SLC24A4: variants seen among roughly 807,000 people sequenced by gnomAD.
SLC24A4 encodes the protein sodium/potassium/calcium exchanger 4.
SLC24A4 carries 53 observed loss-of-function variants against 79.0 expected under a neutral mutation model. The ratio of observed to expected loss-of-function variants is 0.67; its 90% CI spans 0.54 to 0.84. SLC24A4 has a LOEUF of 0.84. Ranked by LOEUF, SLC24A4 falls within the 40% of genes least tolerant of loss-of-function variation. SLC24A4 has a pLI of 0.00. For missense variants in SLC24A4, 731 were observed against 822.0 expected, an observed-to-expected ratio of 0.89 and a Z score of 1.35; for synonymous variants, 323 against 323.8, an observed-to-expected ratio of 1.00 and a Z score of 0.03.
chr14:92,457,222 T>G (rs1893526772), intron 12 of SLC24A4: 1 of 156,096 alleles, frequency 6.4e-6, no homozygotes, highest in South Asian at 2.0e-4. Context: ...CCTCAGCTTC[T>G]GTTCTTCTGC....
intron 2 of SLC24A4, among the ~76,000 whole-genome samples, chr14:92,343,642 C>CTT (rs59611953): frequency 0.017 from 777 of 45,436 alleles, 7 homozygotes; most frequent in South Asian, 0.032. Flanking sequence ...CTTTCTTTCT[C>CTT]TCTTTCCTTC....
chr14:92,478,175 C>T (rs761934992), intron 12 of SLC24A4, among the ~76,000 whole-genome samples: 7 of 152,200 alleles, frequency 4.6e-5, no homozygotes, highest in Non-Finnish European at 8.8e-5. Flanking sequence ...ACATAATTTA[C>T]TTATTCTTTT....
At chr14:92,483,281 G>A (rs1895164825) in intron 13 of SLC24A4, among the ~76,000 whole-genome samples, 1 of 152,180 alleles carries the variant, frequency 6.6e-6, no homozygotes, top group Admixed American at 6.5e-5. Context: ...TCCCCCCACT[G>A]ATGTGCTGGT....
rs117077439 is a variant in SLC24A4 at position 92,483,741 on chromosome 14, G to A, written c.1422+895G>A. On this transcript the variant is annotated intron_variant, in intron 13 of 16. Coordinates refer to ENST00000532405, the MANE Select transcript of SLC24A4 (RefSeq NM_153646.4). ...CCTCATTCCCAGGAGCAAAGAGAGG[G>A]GAAGCAGTTCCAGCATGGCTGCAGT... The A allele has an allele frequency of 9.1e-4, 1,176 of 1,289,940 alleles. 26 individuals carry two copies. The East Asian group carries it at 0.048, about 52-fold the overall frequency. 79.9% of individuals were successfully genotyped at this position (1,289,940 alleles called of 1,614,324 possible). A position where few individuals can be genotyped will look rare whatever the true frequency, so the allele number is the denominator to read the frequency against.
At chr14:92,371,877 C>T (rs1029949939) in intron 2 of SLC24A4, among the ~76,000 whole-genome samples, 7 of 152,240 alleles carry the variant, frequency 4.6e-5, no homozygotes, top group African/African-American at 1.7e-4. Context: ...AGTGCTGGCC[C>T]TTTCTCAAGC....
In SLC24A4 at chr14:92,482,846, G is replaced by A. The variant is rs1235455544; in HGVS notation, c.1422G>A (p.Leu474=). 1 of 1,608,728 alleles carries A rather than the reference G, an allele frequency of 6.2e-7. No homozygotes were observed. The highest frequency in any genetic ancestry group is 2.2e-5 in the East Asian group (1 of 44,696). The change falls in exon 13 of 17, where the codon CTG becomes CTA. Residue 474 remains leucine (L), a splice_region_variant and synonymous_variant. Transcript: ENST00000532405. ...IAVFSYIMVW[L]VTIIGYTLGI... ...TGTTCTCCTACATCATGGTGTGGCT[G>A]GTGAGTGGGGGGAGCAGGGGGTGGA...
Position 92,492,207 on chromosome 14 carries a change from C to A in SLC24A4, c.1683C>A (p.Ser561=), listed in dbSNP as rs750676867. The A allele has an allele frequency of 1.2e-6, 2 of 1,614,012 alleles. No individual in the cohort carries two copies. The highest frequency in any genetic ancestry group is 1.7e-6 in the Non-Finnish European group (2 of 1,180,012). Residue 561 remains serine (S), a synonymous_variant, in exon 16 of 17, where the codon TCC becomes TCA. Transcript: ENST00000532405. ...VKINSRGLVY[S]VVLLLGSVAL... is the part of the protein sequence containing the mutation. ...TCAACAGCCGGGGGCTGGTCTATTC[C>A]GTGGTCCTGTTGCTGGGCTCTGTCG...
At chr14:92,451,888 G>A (rs2139837902) in intron 10 of SLC24A4, 1 of 152,714 alleles carries the variant, frequency 6.5e-6, no homozygotes, top group Admixed American at 6.5e-5. Flanking sequence ...GGGGAGAGTT[G>A]GGGGTGATGC....
chr14:92,391,667 C>T (rs1298133763), intron 2 of SLC24A4, among the ~76,000 whole-genome samples: 1 of 152,224 alleles, frequency 6.6e-6, no homozygotes, highest in East Asian at 1.9e-4. Flanking sequence ...TAGTGACTTT[C>T]TTGGTTAGTA....
intron 6 of SLC24A4, 52 bp downstream of exon 6, chr14:92,442,868 A>T (rs774688506): frequency 4.2e-6 from 6 of 1,430,534 alleles, no homozygotes; most frequent in Non-Finnish European, 5.9e-6. Context: ...AGCGTGGGGG[A>T]TGAGCCTCTA....
chr14:92,458,322 C>T (rs34608909), intron 12 of SLC24A4, among the ~76,000 whole-genome samples: 24,464 of 152,130 alleles, frequency 0.16, 2,078 homozygotes, highest in African/African-American at 0.2. Flanking sequence ...GGGGTTCAGG[C>T]CTCCCAGGCC....
chr14:92,486,780 G>T lies in SLC24A4; in HGVS notation c.1537G>T (p.Gly513Cys). 1 of 1,611,520 alleles carries T rather than the reference G, an allele frequency of 6.2e-7. No individual in the cohort carries two copies. Among genetic ancestry groups the T allele is most frequent in the Non-Finnish European group, 8.5e-7 (1 of 1,177,740 alleles). The change falls in exon 14 of 17, where the codon GGC (glycine) becomes TGC (cysteine). Residue 513 changes from glycine (G) to cysteine (C), a missense_variant and splice_region_variant. Gly to Cys is a radical substitution (Grantham distance 159). Coordinates refer to ENST00000532405, the MANE Select transcript of SLC24A4 (RefSeq NM_153646.4). Reference sequence around the variant, plus strand: ...GGCCAGCCTAATTGTGGCGAGACAAGGTATGGATTATGCCCCAGCCCTCAT... The same window carrying T: ...GGCCAGCCTAATTGTGGCGAGACAATGTATGGATTATGCCCCAGCCCTCAT... The part of the protein sequence containing the change: ...CMASLIVARQ[G>C]LGDMAVSNTI...
chr14:92,356,202 A>G (rs545651661), intron 2 of SLC24A4, among the ~76,000 whole-genome samples: 18 of 152,240 alleles, frequency 1.2e-4, no homozygotes, highest in Middle Eastern at 3.4e-3. Context: ...CTAAGCTAGG[A>G]TGTTCCGTAG....
chr14:92,404,843 GA>G (rs1890289766), intron 2 of SLC24A4, among the ~76,000 whole-genome samples: 1 of 152,074 alleles, frequency 6.6e-6, no homozygotes, highest in East Asian at 1.9e-4. Flanking sequence ...TAACAGCAGG[GA>G]TCACATCTCT....
intron 2 of SLC24A4, among the ~76,000 whole-genome samples, chr14:92,376,814 G>A (rs1431155761): frequency 5.9e-5 from 9 of 152,166 alleles, no homozygotes; most frequent in Non-Finnish European, 1.2e-4. Context: ...GACATTTTTG[G>A]TTGTCACAAC....
At chr14:92,392,594 C>T (rs1294589755) in intron 2 of SLC24A4, among the ~76,000 whole-genome samples, 1 of 152,182 alleles carries the variant, frequency 6.6e-6, no homozygotes, top group East Asian at 1.9e-4. Context: ...TTAAGAAATG[C>T]TCTGCCAAGG....
chr14:92,336,567 G>A (rs768597756), intron 2 of SLC24A4, among the ~76,000 whole-genome samples: 2 of 152,278 alleles, frequency 1.3e-5, no homozygotes, highest in South Asian at 2.1e-4. Context: ...TAGTAATTGC[G>A]CAAGAAATTA....
chr14:92,465,508 T>C (rs1894052105), intron 12 of SLC24A4, among the ~76,000 whole-genome samples: 1 of 151,928 alleles, frequency 6.6e-6, no homozygotes, highest in Non-Finnish European at 1.5e-5. Context: ...GCTGTGGGAG[T>C]GTCTGCAGTG....
At chr14:92,409,659 T>A (rs28671668) in intron 2 of SLC24A4, among the ~76,000 whole-genome samples, 1 of 151,798 alleles carries the variant, frequency 6.6e-6, no homozygotes, top group African/African-American at 2.4e-5. Flanking sequence ...GGGCAACCAC[T>A]CTCCTGACTG....
Sources: gnomAD v4.1 joint callset for allele counts (sites outside exome capture counted in the v4.1 genomes callset) on GRCh38, gnomAD v4.1.1 for gene constraint, MANE v1.5 for transcripts, NCBI Gene and HGNC (gene_info 2026-07-23, HGNC 2026-07-21) for gene names.